FBLN1: variants seen among roughly 807,000 people sequenced by gnomAD.
FBLN1 encodes the protein fibulin-1.
FBLN1 carries 34 observed loss-of-function variants against 89.7 expected under a neutral mutation model. That is an observed-to-expected ratio of 0.38 (90% CI 0.29 to 0.50). The LOEUF (loss-of-function observed/expected upper bound fraction) is 0.50. Among genes scored for constraint, FBLN1 ranks in the 20% least tolerant of loss-of-function variants. The pLI is 0.92. For synonymous variants in FBLN1, 393 were observed against 391.3 expected, an observed-to-expected ratio of 1.00 and a Z score of -0.05; for missense variants, 777 against 988.1, an observed-to-expected ratio of 0.79 and a Z score of 2.86.
In FBLN1 at chr22:45,579,675, AAGACTG is replaced by A; in HGVS notation, c.1972+2572_1972+2577del. On this transcript the variant is annotated intron_variant, in intron 16 of 16. Coordinates refer to ENST00000327858, the MANE Select transcript of FBLN1 (RefSeq NM_006486.3). This position sits in a 1 kb window ranked among gnomAD's most constrained non-coding sequence, Gnocchi z 5.5. ...CTGGTGCCCATGTCATCTCAGGTGGAAGACTGAGACCAGGGAGGCAAGCCCTGCGTG... is the reference window on the plus strand; with the variant it reads ...CTGGTGCCCATGTCATCTCAGGTGGAAGACCAGGGAGGCAAGCCCTGCGTG... Among the ~76,000 whole-genome samples the A allele has an allele frequency of 6.6e-6, 1 of 152,148 alleles. No individual in the cohort carries two copies. Among genetic ancestry groups the A allele is most frequent in the East Asian group, 1.9e-4 (1 of 5,190 alleles).
Position 45,562,918 on chromosome 22 carries a change from TG to T in FBLN1, c.1698-11592del. 3 of 1,613,946 alleles carry T rather than the reference TG, an allele frequency of 1.9e-6. No homozygotes were observed. The highest frequency in any genetic ancestry group is 1.7e-6 in the Non-Finnish European group (2 of 1,180,012). ...CTGCCCACTTTTCTTGCAGCCGCTG[TG>T]AGCGCTTGCCTTGCCATGAGAATCG... On this transcript the variant is annotated intron_variant, in intron 14 of 16. Transcript: ENST00000327858. This position sits in a 1 kb window ranked among gnomAD's most constrained non-coding sequence, Gnocchi z 7.8.
chr22:45,519,359 G>A (rs997247258), intron 2 of FBLN1, among the ~76,000 whole-genome samples: 3 of 151,664 alleles, frequency 2.0e-5, no homozygotes, highest in Admixed American at 6.6e-5. Flanking sequence ...GGTGGCTCAC[G>A]CCTGTAATCC....
intron 16 of FBLN1, among the ~76,000 whole-genome samples, chr22:45,594,913 G>C: frequency 6.6e-6 from 1 of 152,166 alleles, no homozygotes; most frequent in South Asian, 2.1e-4. Flanking sequence ...TGGTTGGGTT[G>C]ATGGATGGTT....
chr22:45,512,790 C>T (rs2088118927), intron 1 of FBLN1, among the ~76,000 whole-genome samples: 1 of 152,072 alleles, frequency 6.6e-6, no homozygotes, highest in Non-Finnish European at 1.5e-5. Flanking sequence ...CAGGGTCTCC[C>T]CCTGTCCCCC....
In FBLN1 at chr22:45,600,448, G is replaced by T; in HGVS notation, c.*2G>T. ...TTCGTCTCTGAGTACTGGTTCTGAG[G>T]GCTGGTCTGCCGCACAGCCGCAGGT... On this transcript the variant is annotated 3_prime_UTR_variant, in exon 17 of 17. Coordinates refer to ENST00000327858, the MANE Select transcript of FBLN1 (RefSeq NM_006486.3). The T allele has an allele frequency of 6.2e-7, 1 of 1,614,148 alleles. No individual in the cohort carries two copies. The highest frequency in any genetic ancestry group is 8.5e-7 in the Non-Finnish European group (1 of 1,180,020).
rs1207603596 is a variant in FBLN1, at chr22:45,576,106, C to T, written c.1841-871C>T. Among the ~76,000 whole-genome samples the T allele has an allele frequency of 6.6e-6, 1 of 152,200 alleles. No homozygotes were observed. Among genetic ancestry groups the T allele is most frequent in the Non-Finnish European group, 1.5e-5 (1 of 68,042 alleles). ...CAAGGAGCCGTCCCCAGTCCCAGTC[C>T]CCCTAGGTTTGCTCCTCCCGAAAAG... On this transcript the variant is annotated intron_variant, in intron 15 of 16. Transcript: ENST00000327858. The surrounding 1 kb of genome is among the most constrained non-coding windows in gnomAD (Gnocchi z 5.2).
rs534519779 is a variant in FBLN1, at chr22:45,540,263, A to C, written c.923-966A>C. The stretch of plus-strand genomic sequence containing the variant: ...CTCCGGACCTTGGTTTCCTGTTTAT[A>C]AAGTGCAGGCAGTAATGATAGTGAT... On this transcript the variant is annotated intron_variant, in intron 8 of 16. Coordinates refer to ENST00000327858, the MANE Select transcript of FBLN1 (RefSeq NM_006486.3). Among the ~76,000 whole-genome samples the C allele has an allele frequency of 2.5e-3, 384 of 152,318 alleles. 1 individual carries two copies. The highest frequency in any genetic ancestry group is 9.0e-3 in the African/African-American group (372 of 41,564).
At position 45,542,138 on chromosome 22, in the gene FBLN1, T is replaced by G. The variant is rs780651714; in HGVS notation, c.1067-17T>G. ...AAACTAAAGGTTTTCATCATGGCTT[T>G]CTTTCTCCTTTGCAAGATGTGGACG... On this transcript the variant is annotated splice_polypyrimidine_tract_variant and intron_variant, in intron 9 of 16. Transcript: ENST00000327858. The G allele has an allele frequency of 1.5e-5, 25 of 1,614,094 alleles. No individual in the cohort carries two copies. The highest frequency in any genetic ancestry group is 3.3e-5 in the Admixed American group (2 of 60,018).
In FBLN1 at chr22:45,580,054, G is replaced by A. The variant is rs1199321463; in HGVS notation, c.1972+2946G>A. Among the ~76,000 whole-genome samples, 1 of 152,140 alleles carries A rather than the reference G, an allele frequency of 6.6e-6. No homozygotes were observed. The highest frequency in any genetic ancestry group is 1.5e-5 in the Non-Finnish European group (1 of 68,028). ...CCCAGTCCTCACAGACACTGCCAGCGACGGGTCATGATTGTCTCCCTTGGG... is the reference window on the plus strand; with the variant it reads ...CCCAGTCCTCACAGACACTGCCAGCAACGGGTCATGATTGTCTCCCTTGGG... On this transcript the variant is annotated intron_variant, in intron 16 of 16. Transcript: ENST00000327858. This position sits in a 1 kb window ranked among gnomAD's most constrained non-coding sequence, Gnocchi z 8.6.
In FBLN1 at chr22:45,600,457, G is replaced by A; in HGVS notation, c.*11G>A. 6.2e-7 allele frequency: 1 copy of A among 1,614,070 alleles called. No homozygotes were observed. The highest frequency in any genetic ancestry group is 2.2e-5 in the East Asian group (1 of 44,878). On this transcript the variant is annotated 3_prime_UTR_variant, in exon 17 of 17. Transcript: ENST00000327858. The stretch of plus-strand genomic sequence containing the variant: ...GAGTACTGGTTCTGAGGGCTGGTCT[G>A]CCGCACAGCCGCAGGTGCACCTCCA...
chr22:45,545,080 G>A lies in FBLN1; in HGVS notation c.1321+1554G>A, dbSNP rs1057329884. Among the ~76,000 whole-genome samples, 10 of 152,180 alleles carry A rather than the reference G, an allele frequency of 6.6e-5. No homozygotes were observed. Among genetic ancestry groups the A allele is most frequent in the Non-Finnish European group, 1.5e-4 (10 of 68,042 alleles). ...TGAGAATTTTCCTTCCTGATGAGAT[G>A]GTCGCAGGGGTTGGATATGCCACAG... On this transcript the variant is annotated intron_variant, in intron 11 of 16. Transcript: ENST00000327858. This position sits in a 1 kb window ranked among gnomAD's most constrained non-coding sequence, Gnocchi z 5.9.
chr22:45,593,748 C>T (rs920464428), intron 16 of FBLN1, among the ~76,000 whole-genome samples: 2 of 152,214 alleles, frequency 1.3e-5, no homozygotes, highest in South Asian at 2.1e-4. Context: ...AAAGTGTTGT[C>T]TTCGTTCCTA....
chr22:45,525,528 A>C lies in FBLN1; in HGVS notation c.186-15A>C. The C allele has an allele frequency of 6.5e-7, 1 of 1,548,536 alleles. No individual in the cohort carries two copies. The highest frequency in any genetic ancestry group is 8.7e-7 in the Non-Finnish European group (1 of 1,146,686). On this transcript the variant is annotated splice_polypyrimidine_tract_variant and intron_variant, in intron 2 of 16. Transcript: ENST00000327858. The stretch of plus-strand genomic sequence containing the variant: ...TGCGCACAGAGCCTTGGCCCAGCCC[A>C]CCCCTCACCCACAGGATGGTGCAGG...
In FBLN1 at chr22:45,576,125, C is replaced by T. The variant is rs746248992; in HGVS notation, c.1841-852C>T. 1.1e-4 allele frequency among the ~76,000 whole-genome samples: 16 copies of T among 152,182 alleles called. No homozygotes were observed. The highest frequency in any genetic ancestry group is 3.9e-4 in the East Asian group (2 of 5,194). On this transcript the variant is annotated intron_variant, in intron 15 of 16. Transcript: ENST00000327858. The surrounding 1 kb of genome is among the most constrained non-coding windows in gnomAD (Gnocchi z 5.2). ...CCAGTCCCCCTAGGTTTGCTCCTCC[C>T]GAAAAGGAATAACGCTGAATCGTCA...
At chr22:45,548,826 G>T (rs1463518734) in intron 13 of FBLN1, 82 bp downstream of exon 13, 8 of 1,583,566 alleles carry the variant, frequency 5.1e-6, no homozygotes, top group Admixed American at 1.7e-5. Flanking sequence ...GGGCTCGGGG[G>T]CTGTGCTTCC....
At chr22:45,533,316 A>G in intron 6 of FBLN1, 152 bp downstream of exon 6, 1 of 746,150 alleles carries the variant, frequency 1.3e-6, no homozygotes, top group Non-Finnish European at 2.3e-6. Flanking sequence ...TGTTCGCTGG[A>G]GTTTGCAGCG....
At chr22:45,533,618 G>A (rs576390954) in intron 6 of FBLN1, 143 bp from the exon 7 acceptor site, 33 of 890,834 alleles carry the variant, frequency 3.7e-5, no homozygotes, top group South Asian at 2.9e-4. Flanking sequence ...TCCACAGCCC[G>A]GATGTGCACA....
chr22:45,589,796 C>T (rs1193156797), intron 16 of FBLN1, among the ~76,000 whole-genome samples: 1 of 152,088 alleles, frequency 6.6e-6, no homozygotes, highest in African/African-American at 2.4e-5. Context: ...GAGCACCAAG[C>T]TGCCTCATGT....
rs2088956922 is a variant in FBLN1 at position 45,572,004 on chromosome 22, C to T, written c.1698-2507C>T. ...ATTAGCTGGTCGTGGTGGTGCCCGC[C>T]TGTAATCCCAGCTACTCAGGAGGCT... On this transcript the variant is annotated intron_variant, in intron 14 of 16. Transcript: ENST00000327858. The surrounding 1 kb of genome is among the most constrained non-coding windows in gnomAD (Gnocchi z 5.8). Among the ~76,000 whole-genome samples, 2 of 152,116 alleles carry T rather than the reference C, an allele frequency of 1.3e-5. No homozygotes were observed. The highest frequency in any genetic ancestry group is 2.9e-5 in the Non-Finnish European group (2 of 68,024).
Sources: gnomAD v4.1 joint callset for allele counts (sites outside exome capture counted in the v4.1 genomes callset) on GRCh38, gnomAD v4.1.1 for gene constraint, Gnocchi (gnomAD v3.1) non-coding constraint, MANE v1.5 for transcripts, NCBI Gene and HGNC (gene_info 2026-07-23, HGNC 2026-07-21) for gene names.